Variants in EPHA5 observed in about 807,000 individuals in gnomAD.
EPHA5 encodes ephrin type-A receptor 5.
EPHA5 carries 60 observed loss-of-function variants against 105.0 expected under a neutral mutation model. That is an observed-to-expected ratio of 0.57 (90% CI 0.46 to 0.71). EPHA5 has a LOEUF of 0.71. EPHA5 is among the 30% of genes least tolerant of loss of function. The pLI, the probability that EPHA5 is intolerant of heterozygous loss-of-function variation, is 0.00. For missense variants in EPHA5, 1,218 were observed against 1,274.7 expected, an observed-to-expected ratio of 0.96 and a Z score of 0.68; for synonymous variants, 513 against 449.1, an observed-to-expected ratio of 1.14 and a Z score of -1.80.
chr4:65,511,979 A>T (rs1487634950), intron 3 of EPHA5, among the ~76,000 whole-genome samples: 1 of 152,182 alleles, frequency 6.6e-6, no homozygotes, highest in Non-Finnish European at 1.5e-5. Flanking sequence ...AAAAATTCCA[A>T]AGTTTATTGA....
Position 65,323,298 on chromosome 4 carries a change from T to G in EPHA5, c.*816A>C. The G allele has an allele frequency of 4.4e-6, 1 of 229,628 alleles. No homozygotes were observed. Among genetic ancestry groups the G allele is most frequent in the Non-Finnish European group, 8.6e-6 (1 of 115,730 alleles). The allele number at this position is 229,628 out of a possible 1,614,324, so 14.2% of individuals were successfully genotyped here. On this transcript the variant is annotated 3_prime_UTR_variant, in exon 17 of 17. Coordinates refer to ENST00000613740, the MANE Select transcript of EPHA5 (RefSeq NM_001281766.3). ...CCCTATTTCTCCTATTCATATTACA[T>G]TCTGGAACACTTGCTCCTATATGTT...
intron 3 of EPHA5, among the ~76,000 whole-genome samples, chr4:65,540,785 C>G (rs1479204433): frequency 1.3e-5 from 2 of 150,192 alleles, no homozygotes; most frequent in African/African-American, 2.4e-5. Context: ...CTCTCTTCCC[C>G]CATCCCCTCT....
intron 3 of EPHA5, among the ~76,000 whole-genome samples, chr4:65,595,253 A>T: frequency 6.6e-6 from 1 of 151,954 alleles, no homozygotes; most frequent in East Asian, 1.9e-4. Context: ...GTGAGTCTAT[A>T]TGCATGTTTG....
At chr4:65,493,136 C>A (rs1731582754) in intron 4 of EPHA5, among the ~76,000 whole-genome samples, 1 of 151,628 alleles carries the variant, frequency 6.6e-6, no homozygotes, top group Admixed American at 6.6e-5. Flanking sequence ...GCTTTAAAGT[C>A]AAAAGGAAAC....
At chr4:65,327,075 A>C (rs1349451) in intron 16 of EPHA5, among the ~76,000 whole-genome samples, 3 of 150,898 alleles carry the variant, frequency 2.0e-5, no homozygotes, top group Admixed American at 1.3e-4. Flanking sequence ...TTAATCTTCT[A>C]GATATGACTT....
intron 2 of EPHA5, among the ~76,000 whole-genome samples, chr4:65,634,190 TATTA>T (rs1460110178): frequency 2.6e-5 from 4 of 152,122 alleles, no homozygotes; most frequent in African/African-American, 9.6e-5. Flanking sequence ...TGAGTTTCTC[TATTA>T]ATTAGGAAAA....
intron 3 of EPHA5, among the ~76,000 whole-genome samples, chr4:65,592,700 A>G (rs772342091): frequency 1.3e-4 from 20 of 152,202 alleles, no homozygotes; most frequent in Admixed American, 6.5e-5. Flanking sequence ...CAAAACACAC[A>G]TGAATTTCAA....
At chr4:65,546,102 G>C (rs970810055) in intron 3 of EPHA5, among the ~76,000 whole-genome samples, 1 of 151,858 alleles carries the variant, frequency 6.6e-6, no homozygotes, top group African/African-American at 2.4e-5. Flanking sequence ...TGCTTTCATT[G>C]GATGACCTCT....
At chr4:65,569,638 T>A (rs1739914042) in intron 3 of EPHA5, among the ~76,000 whole-genome samples, 1 of 151,626 alleles carries the variant, frequency 6.6e-6, no homozygotes. Context: ...GCATGAAAAA[T>A]TAGAATATAT....
At chr4:65,456,370 A>ATAT (rs1727588510) in intron 5 of EPHA5, among the ~76,000 whole-genome samples, 1 of 151,996 alleles carries the variant, frequency 6.6e-6, no homozygotes, top group East Asian at 1.9e-4. Context: ...ACAGTAGTAT[A>ATAT]ATCTGCCATA....
intron 3 of EPHA5, among the ~76,000 whole-genome samples, chr4:65,497,347 CTT>C (rs1184104542): frequency 6.6e-6 from 1 of 152,070 alleles, no homozygotes; most frequent in Non-Finnish European, 1.5e-5. Context: ...AGAAGGTACT[CTT>C]TTCAGTAGAT....
intron 3 of EPHA5, among the ~76,000 whole-genome samples, chr4:65,552,859 CT>C (rs564936089): frequency 2.6e-4 from 39 of 151,906 alleles, no homozygotes; most frequent in African/African-American, 9.2e-4. Flanking sequence ...AGGAAATATT[CT>C]TTTTTTTAGT....
chr4:65,327,547 T>C (rs1455723145), intron 16 of EPHA5, among the ~76,000 whole-genome samples: 1 of 151,188 alleles, frequency 6.6e-6, no homozygotes, highest in East Asian at 1.9e-4. Context: ...TGACCTATCA[T>C]TTCAAAAACT....
chr4:65,331,327 A>G, intron 16 of EPHA5: 1 of 1,035,456 alleles, frequency 9.7e-7, no homozygotes. Flanking sequence ...AGAACTTAAT[A>G]TTTAACTCTA....
chr4:65,405,293 G>A (rs1722256515), intron 7 of EPHA5, among the ~76,000 whole-genome samples: 2 of 151,836 alleles, frequency 1.3e-5, no homozygotes, highest in African/African-American at 4.8e-5. Context: ...GCCTTATAGG[G>A]CAAAATAAAT....
chr4:65,482,393 G>T (rs569007287), intron 5 of EPHA5, among the ~76,000 whole-genome samples: 1 of 151,238 alleles, frequency 6.6e-6, no homozygotes, highest in South Asian at 2.1e-4. Flanking sequence ...AGAATGATGA[G>T]CACAACAATG....
At chr4:65,352,871 T>G (rs1722951163) in intron 12 of EPHA5, among the ~76,000 whole-genome samples, 171 bp downstream of exon 12, 1 of 151,684 alleles carries the variant, frequency 6.6e-6, no homozygotes, top group South Asian at 2.1e-4. Flanking sequence ...GAAACAAACC[T>G]ATGTTCATTT....
At chr4:65,450,265 T>C (rs371225434) in intron 5 of EPHA5, among the ~76,000 whole-genome samples, 4 of 152,308 alleles carry the variant, frequency 2.6e-5, no homozygotes, top group East Asian at 1.9e-4. Context: ...TTATATCTCA[T>C]TTAGAAAACA....
intron 3 of EPHA5, among the ~76,000 whole-genome samples, chr4:65,565,859 CTTT>C: frequency 6.6e-6 from 1 of 151,684 alleles, no homozygotes; most frequent in Non-Finnish European, 1.5e-5. Context: ...TGAATAAACA[CTTT>C]TTATTTCCTA....
Sources: gnomAD v4.1 joint callset for allele counts (sites outside exome capture counted in the v4.1 genomes callset) on GRCh38, gnomAD v4.1.1 for gene constraint, MANE v1.5 for transcripts, NCBI Gene and HGNC (gene_info 2026-07-23, HGNC 2026-07-21) for gene names.